The following MREG variants were observed in gnomAD, a reference collection of about 807,000 sequenced individuals.
MREG encodes dilute suppressor protein homolog.
In MREG, 31 loss-of-function variants were observed where a neutral mutation model predicts 28.5. The observed-to-expected ratio is 1.09, with a 90% confidence interval of 0.82 to 1.47. The LOEUF (loss-of-function observed/expected upper bound fraction) is 1.47. MREG is among the 40% of genes most tolerant of loss of function. The probability of loss-of-function intolerance (pLI) is 0.00; values close to 1 mark genes in which losing one functional copy is unlikely to be tolerated. For synonymous variants in MREG, 106 were observed against 95.2 expected (o/e 1.11, Z -0.66); for missense variants, 256 against 257.4 (o/e 0.99, Z 0.04).
At chr2:215,977,539 A>G (rs1693295553) in intron 2 of MREG, among the ~76,000 whole-genome samples, 1 of 152,240 alleles carries the variant, frequency 6.6e-6, no homozygotes, top group African/African-American at 2.4e-5. Flanking sequence ...CCTAATAGAC[A>G]TCTACAGAAC....
At chr2:215,979,066 C>T (rs1355572119) in intron 2 of MREG, among the ~76,000 whole-genome samples, 1 of 152,174 alleles carries the variant, frequency 6.6e-6, no homozygotes, top group Non-Finnish European at 1.5e-5. Flanking sequence ...TTTGAAATAA[C>T]AATCACACAT....
At chr2:215,973,348 A>G (rs1244628554) in intron 2 of MREG, among the ~76,000 whole-genome samples, 1 of 152,240 alleles carries the variant, frequency 6.6e-6, no homozygotes, top group Non-Finnish European at 1.5e-5. Context: ...CCTCATTAAC[A>G]TTAAACAGAT....
intron 1 of MREG, among the ~76,000 whole-genome samples, chr2:216,029,523 T>TA (rs1336716860): frequency 1.3e-5 from 2 of 152,150 alleles, no homozygotes; most frequent in Non-Finnish European, 2.9e-5. Context: ...GGCAAAATGA[T>TA]AAACACAAGG....
Position 215,944,765 on chromosome 2 carries a change from A to T in MREG, c.*98T>A. 3 of 1,234,898 alleles carry T rather than the reference A, an allele frequency of 2.4e-6. No homozygotes were observed. Among genetic ancestry groups the T allele is most frequent in the Non-Finnish European group, 3.3e-6 (3 of 908,326 alleles). 76.5% of individuals were successfully genotyped at this position (1,234,898 alleles called of 1,614,324 possible). A position where few individuals can be genotyped will look rare whatever the true frequency, so the allele number is the denominator to read the frequency against. On this transcript the variant is annotated 3_prime_UTR_variant, in exon 5 of 5. Coordinates refer to ENST00000263268, the MANE Select transcript of MREG (RefSeq NM_018000.3). ...TTCAGTATCATTTTTCACTAAGCAA[A>T]CTCTATTTGCTCACTCTCTTCTACA...
intron 2 of MREG, among the ~76,000 whole-genome samples, chr2:215,993,965 G>C (rs1325985681): frequency 1.3e-5 from 2 of 149,906 alleles, no homozygotes; most frequent in Non-Finnish European, 2.9e-5. Context: ...CTGTTGGTGG[G>C]AGTGTAAATT....
intron 1 of MREG, among the ~76,000 whole-genome samples, chr2:216,026,575 G>A (rs1482499433): frequency 6.6e-6 from 1 of 152,042 alleles, no homozygotes; most frequent in East Asian, 1.9e-4. Context: ...TGCCCAGGCT[G>A]GTCTTGAACT....
intron 2 of MREG, among the ~76,000 whole-genome samples, chr2:215,949,905 G>A (rs1012854618): frequency 2.6e-5 from 4 of 152,008 alleles, no homozygotes; most frequent in African/African-American, 4.8e-5. Flanking sequence ...TCTTATTCTA[G>A]TTTATCTTAT....
At chr2:216,032,073 G>A (rs1423473430) in intron 1 of MREG, among the ~76,000 whole-genome samples, 5 of 152,138 alleles carry the variant, frequency 3.3e-5, no homozygotes, top group Non-Finnish European at 5.9e-5. Context: ...TCATGCAGAA[G>A]GTAAAATTAC....
intron 1 of MREG, among the ~76,000 whole-genome samples, chr2:215,997,940 A>C (rs1693912648): frequency 6.6e-6 from 1 of 152,206 alleles, no homozygotes. Flanking sequence ...GCAGGAACCC[A>C]CCCAGCTAGG....
intron 2 of MREG, among the ~76,000 whole-genome samples, chr2:215,970,360 C>A (rs948712576): frequency 6.6e-6 from 1 of 152,162 alleles, no homozygotes; most frequent in African/African-American, 2.4e-5. Flanking sequence ...TGTGAGAGAA[C>A]AAATTTCTGT....
intron 1 of MREG, among the ~76,000 whole-genome samples, chr2:216,029,420 G>A (rs1345712760): frequency 6.6e-6 from 1 of 152,182 alleles, no homozygotes; most frequent in Non-Finnish European, 1.5e-5. Flanking sequence ...AGAGGTTGCA[G>A]TGAGCTGAGA....
intron 1 of MREG, among the ~76,000 whole-genome samples, chr2:215,997,231 A>C (rs1319762321): frequency 6.6e-6 from 1 of 152,238 alleles, no homozygotes; most frequent in Non-Finnish European, 1.5e-5. Flanking sequence ...AAAATTAAGT[A>C]ATAAACATGC....
At chr2:215,979,418 G>A (rs1214031533) in intron 2 of MREG, among the ~76,000 whole-genome samples, 9 of 149,776 alleles carry the variant, frequency 6.0e-5, no homozygotes, top group African/African-American at 1.2e-4. Context: ...AGCCGAGATC[G>A]CGCCACTGCA....
At chr2:215,941,766 T>C (rs187145721), downstream of MREG, 3 of 152,354 alleles carry the variant, frequency 2.0e-5, no homozygotes, top group Non-Finnish European at 4.4e-5. Context: ...AATACTCATT[T>C]TAGACTTATT....
Position 216,013,246 on chromosome 2 carries a change from C to A in MREG, c.82G>T (p.Glu28Ter). 6.5e-7 allele frequency: 1 copy of A among 1,549,578 alleles called. No homozygotes were observed. The highest frequency in any genetic ancestry group is 8.7e-7 in the Non-Finnish European group (1 of 1,146,676). Residue 28 changes from glutamate (E) to a stop codon, truncating the protein, a stop_gained, in exon 1 of 5, where the codon GAG (glutamate) becomes TAG (stop). Transcript: ENST00000263268. LOFTEE classifies it high-confidence loss of function. ...CGGCGCACCCACCTGACGAGGGGCT[C>A]CTTCTCAGGCAGGGCGCGCTCCTCC... is the stretch of plus-strand genomic sequence containing the variant. Reference protein sequence around the residue: ...CLEERALPEKEPLVSDNNPYS... With the variant: ...CLEERALPEK
chr2:216,027,680 A>C (rs1694616348), intron 1 of MREG, among the ~76,000 whole-genome samples: 2 of 152,202 alleles, frequency 1.3e-5, no homozygotes, highest in Non-Finnish European at 2.9e-5. Flanking sequence ...GTGACAGAAC[A>C]AGAATCTGTC....
intron 2 of MREG, among the ~76,000 whole-genome samples, chr2:215,985,980 G>C (rs185980868): frequency 9.7e-4 from 147 of 152,150 alleles, no homozygotes; most frequent in African/African-American, 3.5e-3. Context: ...AGCAATAGTA[G>C]TAAATATGGA....
chr2:215,999,508 A>G (rs1368162702), intron 1 of MREG, among the ~76,000 whole-genome samples: 1 of 152,220 alleles, frequency 6.6e-6, no homozygotes, highest in Non-Finnish European at 1.5e-5. Flanking sequence ...AACCAACCAC[A>G]ACCAGAGCAG....
At chr2:216,029,871 G>A (rs189318512) in intron 1 of MREG, among the ~76,000 whole-genome samples, 1 of 152,198 alleles carries the variant, frequency 6.6e-6, no homozygotes, top group Non-Finnish European at 1.5e-5. Context: ...TTTTACAAGA[G>A]AGGAATGTGC....
Sources: allele counts gnomAD v4.1 joint callset (sites outside exome capture counted in the v4.1 genomes callset), GRCh38; gene constraint gnomAD v4.1.1; transcripts MANE v1.5; gene names NCBI Gene and HGNC (gene_info 2026-07-23, HGNC 2026-07-21).